The following IGSF11 variants were observed in gnomAD, a reference collection of about 807,000 sequenced individuals.
IGSF11 encodes the protein immunoglobulin superfamily member 11, also known as CXADR like 1.
IGSF11 carries 22 observed loss-of-function variants against 41.0 expected under a neutral mutation model. The ratio of observed to expected loss-of-function variants is 0.54; its 90% CI spans 0.38 to 0.77. The LOEUF (loss-of-function observed/expected upper bound fraction) is 0.77, where lower values mean the gene tolerates loss of function less well. Among genes scored for constraint, IGSF11 ranks in the 30% least tolerant of loss-of-function variants. The pLI is 0.00. For missense variants in IGSF11, 444 were observed against 530.8 expected (o/e 0.84, Z 1.61); for synonymous variants, 219 against 201.3 (o/e 1.09, Z -0.74).
At chr3:119,105,866 CCTTT>C (rs2077014511), upstream of IGSF11, among the ~76,000 whole-genome samples, 1 of 152,000 alleles carries the variant, frequency 6.6e-6, no homozygotes, top group Admixed American at 6.6e-5. Flanking sequence ...CCCTTTTTGC[CCTTT>C]CTTACTCCAA....
intron 1 of IGSF11, among the ~76,000 whole-genome samples, chr3:118,975,363 T>TTAAAAAAA (rs765744961): frequency 2.1e-5 from 3 of 140,742 alleles, no homozygotes; most frequent in Admixed American, 1.4e-4. Context: ...CTGCTGGATT[T>TTAAAAAAA]AAAAAAAAAA....
chr3:119,138,424 C>T (rs904652836), intron 1 of IGSF11, among the ~76,000 whole-genome samples: 1 of 152,146 alleles, frequency 6.6e-6, no homozygotes, highest in African/African-American at 2.4e-5. Flanking sequence ...GTGGTTCATG[C>T]CTGTAATCCT....
chr3:119,087,395 C>CACACAT (rs1414016911), intron 1 of IGSF11, among the ~76,000 whole-genome samples: 1 of 149,638 alleles, frequency 6.7e-6, no homozygotes, highest in African/African-American at 2.5e-5. Flanking sequence ...CACACACACA[C>CACACAT]ACACACATAC....
Position 119,003,645 on chromosome 3 carries a change from T to C in IGSF11, c.52+30886A>G, listed in dbSNP as rs1298452785. Among the ~76,000 whole-genome samples the C allele has an allele frequency of 1.7e-4, 26 of 151,838 alleles. 2 individuals are homozygous for C. The South Asian group carries it at 2.7e-3, about 16-fold the overall frequency. On this transcript the variant is annotated intron_variant, in intron 1 of 6. Coordinates refer to ENST00000393775, the MANE Select transcript of IGSF11 (RefSeq NM_001015887.3). ...ATTTTGAAATATGTCCCATCAATAC[T>C]TAATTTATTGAGAGTTTTTAGCATG...
chr3:118,948,581 A>G (rs959606417), intron 1 of IGSF11, among the ~76,000 whole-genome samples: 1 of 152,188 alleles, frequency 6.6e-6, no homozygotes, highest in African/African-American at 2.4e-5. Context: ...TGGATGTCAT[A>G]GTAAATACAG....
Position 119,128,363 on chromosome 3 carries a change from AAAG to A in IGSF11, c.-14+17447_-14+17449del, listed in dbSNP as rs528011797. On this transcript the variant is annotated intron_variant, in intron 1 of 7. Coordinates refer to the IGSF11 transcript ENST00000425327. ...AGAGTGAGAAAGAAAGAAAGAAAAG[AAAG>A]AAAGAGAGAGAGAAACAGAGAAAGA... 3.1e-3 allele frequency among the ~76,000 whole-genome samples: 474 copies of A among 152,174 alleles called. 1 individual carries two copies. Among genetic ancestry groups the A allele is most frequent in the African/African-American group, 0.011 (453 of 41,524 alleles).
chr3:119,083,365 A>C (rs111401998), intron 1 of IGSF11, among the ~76,000 whole-genome samples: 2,428 of 151,970 alleles, frequency 0.016, 61 homozygotes, highest in African/African-American at 0.056. Flanking sequence ...GGCCTCCCAG[A>C]GTGCTGGGAT....
intron 1 of IGSF11, among the ~76,000 whole-genome samples, chr3:119,111,157 G>T (rs1285574380): frequency 1.3e-5 from 2 of 152,154 alleles, no homozygotes; most frequent in Non-Finnish European, 2.9e-5. Flanking sequence ...GATTGGGGAA[G>T]TTCTCCTGGA....
intron 1 of IGSF11, among the ~76,000 whole-genome samples, chr3:119,057,917 C>T (rs908378210): frequency 5.3e-5 from 8 of 152,146 alleles, no homozygotes; most frequent in Non-Finnish European, 1.0e-4. Context: ...ACTGGCTAGC[C>T]ATATGTAGAA....
intron 1 of IGSF11, among the ~76,000 whole-genome samples, chr3:118,982,803 G>A (rs1473722822): frequency 6.6e-6 from 1 of 152,030 alleles, no homozygotes; most frequent in Non-Finnish European, 1.5e-5. Context: ...ATCTACATAG[G>A]CTAGATTATG....
chr3:119,029,275 C>CACACACACACA (rs1553716797), intron 1 of IGSF11, among the ~76,000 whole-genome samples: 6 of 145,464 alleles, frequency 4.1e-5, no homozygotes, highest in Non-Finnish European at 1.5e-5. Flanking sequence ...CACACACACA[C>CACACACACACA]CCGAGAGAGA....
At chr3:119,003,179 G>A (rs1937088815) in intron 1 of IGSF11, among the ~76,000 whole-genome samples, 1 of 145,930 alleles carries the variant, frequency 6.9e-6, no homozygotes, top group Admixed American at 6.8e-5. Flanking sequence ...TCCTCAAAGA[G>A]GTCCTTCACA....
intron 1 of IGSF11, among the ~76,000 whole-genome samples, chr3:118,971,176 G>A (rs970574413): frequency 3.9e-5 from 6 of 152,094 alleles, no homozygotes; most frequent in Non-Finnish European, 7.4e-5. Flanking sequence ...AGCATACAAC[G>A]GGCATTTATG....
intron 1 of IGSF11, among the ~76,000 whole-genome samples, chr3:118,955,887 C>T (rs372795796): frequency 1.3e-5 from 2 of 152,292 alleles, no homozygotes; most frequent in East Asian, 3.9e-4. Context: ...TTCTCTCTAG[C>T]TATGAAAGTC....
intron 1 of IGSF11, among the ~76,000 whole-genome samples, chr3:118,935,737 C>G (rs912994218): frequency 4.6e-5 from 7 of 152,122 alleles, no homozygotes; most frequent in Non-Finnish European, 7.4e-5. Flanking sequence ...CTGATGGGAC[C>G]TCAGTAGAGG....
intron 1 of IGSF11, among the ~76,000 whole-genome samples, chr3:119,123,949 C>T (rs56314227): frequency 0.049 from 7,402 of 152,054 alleles, 228 homozygotes; most frequent in South Asian, 0.096. Flanking sequence ...TCTGCCCAGA[C>T]GCCAAAGAAC....
chr3:119,073,858 G>A (rs940084402), intron 1 of IGSF11, among the ~76,000 whole-genome samples: 6 of 152,214 alleles, frequency 3.9e-5, no homozygotes, highest in African/African-American at 4.8e-5. Flanking sequence ...ACAGTGCAGC[G>A]GTAGGCTGAA....
At chr3:119,100,475 T>C (rs926202350) in intron 1 of IGSF11, among the ~76,000 whole-genome samples, 3 of 152,368 alleles carry the variant, frequency 2.0e-5, no homozygotes, top group Admixed American at 6.5e-5. Context: ...ACAGAGATGA[T>C]GACAATTTGT....
upstream of IGSF11, among the ~76,000 whole-genome samples, chr3:119,106,672 G>A (rs2077032639): frequency 1.3e-5 from 2 of 151,998 alleles, no homozygotes; most frequent in African/African-American, 4.8e-5. Context: ...GAGCCATGCT[G>A]GTGTGCTGCA....
Sources: gnomAD v4.1 joint callset for allele counts (sites outside exome capture counted in the v4.1 genomes callset) on GRCh38, gnomAD v4.1.1 for gene constraint, MANE v1.5 for transcripts, NCBI Gene and HGNC (gene_info 2026-07-23, HGNC 2026-07-21) for gene names.